The following RNF212B variants were observed in gnomAD, a reference collection of about 807,000 sequenced individuals.
RNF212B encodes E3 ubiquitin-protein ligase RNF212B.
A neutral mutation model predicts 55.5 loss-of-function variants in RNF212B; 52 were observed. The ratio of observed to expected loss-of-function variants is 0.94; its 90% CI spans 0.75 to 1.18. The LOEUF (loss-of-function observed/expected upper bound fraction) is 1.18. Among genes scored for constraint, RNF212B ranks in the 50% most tolerant of loss-of-function variants. RNF212B has a pLI of 0.00. For synonymous variants in RNF212B, 99 were observed against 121.4 expected (o/e 0.82, Z 1.21); for missense variants, 289 against 350.4 (o/e 0.82, Z 1.40).
intron 4 of RNF212B, among the ~76,000 whole-genome samples, chr14:23,254,749 A>G (rs934929905): frequency 6.6e-6 from 1 of 152,058 alleles, no homozygotes; most frequent in African/African-American, 2.4e-5. Context: ...TTGGACCAAA[A>G]CGTCTTGTCT....
intron 1 of RNF212B, among the ~76,000 whole-genome samples, 82 bp downstream of exon 1, chr14:23,238,137 C>A (rs1398530791): frequency 6.6e-6 from 1 of 152,124 alleles, no homozygotes; most frequent in Non-Finnish European, 1.5e-5. Flanking sequence ...GGGAATTTTG[C>A]CCTCAGGGTC....
At chr14:23,186,295 T>C (rs17127493) in intron 1 of RNF212B, among the ~76,000 whole-genome samples, 12,258 of 152,116 alleles carry the variant, frequency 0.081, 499 homozygotes, top group Middle Eastern at 0.15. Context: ...GTGTAATATG[T>C]TGACAAAAAT....
At chr14:23,207,565 A>G (rs1199674928) in intron 2 of RNF212B, among the ~76,000 whole-genome samples, 1 of 152,208 alleles carries the variant, frequency 6.6e-6, no homozygotes, top group African/African-American at 2.4e-5. Context: ...ACCTCAGCAA[A>G]TTGTCCTATT....
intron 4 of RNF212B, among the ~76,000 whole-genome samples, chr14:23,253,518 A>T (rs539520152): frequency 6.6e-6 from 1 of 152,026 alleles, no homozygotes; most frequent in Admixed American, 6.6e-5. Flanking sequence ...TATCACCATC[A>T]TTGGTTTGGG....
At chr14:23,271,338 G>A (rs1337014338) in intron 14 of RNF212B, among the ~76,000 whole-genome samples, 1 of 151,950 alleles carries the variant, frequency 6.6e-6, no homozygotes, top group African/African-American at 2.4e-5. Context: ...AGCTACATGA[G>A]AGGCTGAGAC....
At chr14:23,265,808 A>G (rs978245628) in intron 11 of RNF212B, among the ~76,000 whole-genome samples, 4 of 151,146 alleles carry the variant, frequency 2.6e-5, no homozygotes, top group Admixed American at 1.3e-4. Context: ...ATTATTTTGG[A>G]TTTAGTTCTT....
At chr14:23,207,067 AT>A (rs922182730) in intron 2 of RNF212B, among the ~76,000 whole-genome samples, 4 of 152,180 alleles carry the variant, frequency 2.6e-5, no homozygotes, top group African/African-American at 7.2e-5. Context: ...GCTGCTTAAA[AT>A]TTTTTTTCTT....
chr14:23,222,258 A>T (rs1385924587), intron 2 of RNF212B, among the ~76,000 whole-genome samples: 1 of 151,874 alleles, frequency 6.6e-6, no homozygotes, highest in African/African-American at 2.4e-5. Flanking sequence ...CTGAATAAGA[A>T]AAAAAAAGAA....
chr14:23,270,513 A>G (rs1885997085), intron 13 of RNF212B, 87 bp from the exon 14 acceptor site: 1 of 855,068 alleles, frequency 1.2e-6, no homozygotes, highest in African/African-American at 1.7e-5. Flanking sequence ...TTCCTTTAAG[A>G]ACTACCTCAT....
chr14:23,243,187 G>A (rs986926913), intron 2 of RNF212B, 69 bp from the exon 3 acceptor site: 3 of 1,132,720 alleles, frequency 2.6e-6, no homozygotes, highest in Admixed American at 2.1e-5. Context: ...TTGTTGCCAT[G>A]TACTTTAAGT....
At chr14:23,236,587 G>A (rs1883118820), upstream of RNF212B, among the ~76,000 whole-genome samples, 1 of 151,984 alleles carries the variant, frequency 6.6e-6, no homozygotes, top group African/African-American at 2.4e-5. Context: ...CACATTTAAT[G>A]GGGTTTATTA....
chr14:23,264,766 C>A, intron 11 of RNF212B, 95 bp downstream of exon 11: 3 of 657,358 alleles, frequency 4.6e-6, no homozygotes, highest in South Asian at 7.7e-5. Context: ...TGCCATTTCA[C>A]TTGTTTTTTT....
chr14:23,213,129 A>G (rs930534978), intron 2 of RNF212B, among the ~76,000 whole-genome samples: 9 of 151,890 alleles, frequency 5.9e-5, no homozygotes, highest in African/African-American at 1.2e-4. Flanking sequence ...TGGCTAACAC[A>G]GTGAAACCCC....
chr14:23,225,002 G>T (rs1458130416), intron 2 of RNF212B, among the ~76,000 whole-genome samples: 1 of 151,956 alleles, frequency 6.6e-6, no homozygotes, highest in African/African-American at 2.4e-5. Context: ...CATATGAAAA[G>T]GTGCTCAACA....
chr14:23,208,757 GTT>G (rs1166613606), intron 2 of RNF212B, among the ~76,000 whole-genome samples: 16 of 98,114 alleles, frequency 1.6e-4, no homozygotes, highest in South Asian at 1.4e-3. Flanking sequence ...GCTGGTTGCC[GTT>G]TTTTTTTTTT....
At chr14:23,197,895 A>G (rs1314411637) in intron 2 of RNF212B, among the ~76,000 whole-genome samples, 6 of 151,868 alleles carry the variant, frequency 4.0e-5, no homozygotes, top group East Asian at 1.9e-4. Context: ...AGGATTTGGG[A>G]AGGTAATGGA....
At chr14:23,253,080 C>A (rs956941491) in intron 4 of RNF212B, among the ~76,000 whole-genome samples, 1 of 152,158 alleles carries the variant, frequency 6.6e-6, no homozygotes, top group East Asian at 1.9e-4. Context: ...TTGCCACCCC[C>A]ACCCAGATTA....
intron 2 of RNF212B, among the ~76,000 whole-genome samples, chr14:23,223,945 A>G (rs770236108): frequency 6.6e-6 from 1 of 152,236 alleles, no homozygotes; most frequent in Non-Finnish European, 1.5e-5. Flanking sequence ...ATATGCCAAC[A>G]GTGAATAATC....
Position 23,270,547 on chromosome 14 carries a change from G to A in RNF212B, c.773-53G>A, listed in dbSNP as rs1885999559. On this transcript the variant is annotated intron_variant, in intron 13 of 14. Coordinates refer to ENST00000430154, the MANE Select transcript of RNF212B (RefSeq NM_001282322.3). ...ATTACCCTGACCCACAAGTAACACT[G>A]CCGAGAAACTGCCCAAGTAAGTTAT... 3 of 1,312,328 alleles carry A rather than the reference G, an allele frequency of 2.3e-6. No individual in the cohort carries two copies. The African/African-American group carries it at 4.4e-5, about 19-fold the overall frequency. The allele number at this position is 1,312,328 out of a possible 1,614,324, so 81.3% of individuals were successfully genotyped here.
Sources: gnomAD v4.1 joint callset for allele counts (sites outside exome capture counted in the v4.1 genomes callset) on GRCh38, gnomAD v4.1.1 for gene constraint, MANE v1.5 for transcripts, NCBI Gene and HGNC (gene_info 2026-07-23, HGNC 2026-07-21) for gene names.